The following ABLIM2 variants were observed in gnomAD, a reference collection of about 807,000 sequenced individuals.
The protein encoded by ABLIM2 is actin binding LIM protein family member 2.
In ABLIM2, 53 loss-of-function variants were observed where a neutral mutation model predicts 97.7. The observed-to-expected ratio is 0.54, with a 90% CI of 0.44 to 0.68. The LOEUF is 0.68. Among genes scored for constraint, ABLIM2 ranks in the 30% least tolerant of loss-of-function variants. The pLI, the probability that ABLIM2 is intolerant of heterozygous loss-of-function variation, is 0.00. For missense variants in ABLIM2, 835 were observed against 867.2 expected, an observed-to-expected ratio of 0.96 and a Z score of 0.47; for synonymous variants, 361 against 345.8, an observed-to-expected ratio of 1.04 and a Z score of -0.49.
At chr4:8,088,967 G>A (rs936943661) in intron 3 of ABLIM2, among the ~76,000 whole-genome samples, 7 of 152,290 alleles carry the variant, frequency 4.6e-5, no homozygotes, top group Middle Eastern at 6.8e-3. Flanking sequence ...AGCACACCTC[G>A]TAGACAGGAA....
At chr4:8,055,269 G>T (rs1054318077) in intron 7 of ABLIM2, among the ~76,000 whole-genome samples, 4 of 152,160 alleles carry the variant, frequency 2.6e-5, no homozygotes, top group Non-Finnish European at 5.9e-5. Flanking sequence ...TCAGGATCTG[G>T]GGCACTTGCT....
In ABLIM2 at chr4:8,082,418, C is replaced by T. The variant is rs181232613; in HGVS notation, c.455-1616G>A. Among the ~76,000 whole-genome samples the T allele has an allele frequency of 3.1e-3, 465 of 152,324 alleles. 2 individuals carry two copies. The highest frequency in any genetic ancestry group is 0.011 in the African/African-American group (452 of 41,576). On this transcript the variant is annotated intron_variant, in intron 4 of 20. Coordinates refer to ENST00000447017, the MANE Select transcript of ABLIM2 (RefSeq NM_001130083.2). This position sits in a 1 kb window ranked among gnomAD's most constrained non-coding sequence, Gnocchi z 5.6. ...ACCTGGCCCAAAGCCTTGCGCATCC[C>T]GGGTGAACAGTGAGCATCGGCGAGA...
intron 14 of ABLIM2, among the ~76,000 whole-genome samples, chr4:8,009,814 G>A (rs554686287): frequency 3.3e-5 from 5 of 152,238 alleles, no homozygotes; most frequent in African/African-American, 1.2e-4. Flanking sequence ...TGACTACCCC[G>A]CCCACCCCCG....
chr4:8,138,966 G>A (rs1260600129), intron 1 of ABLIM2, among the ~76,000 whole-genome samples: 2 of 152,246 alleles, frequency 1.3e-5, no homozygotes, highest in Admixed American at 6.5e-5. Context: ...GGAGGCCTAG[G>A]TGGGTGGATC....
At position 8,128,669 on chromosome 4, in the gene ABLIM2, G is replaced by C. The variant is rs1460629701; in HGVS notation, c.11-22032C>G. 6.6e-6 allele frequency among the ~76,000 whole-genome samples: 1 copy of C among 152,142 alleles called. No homozygotes were observed. The highest frequency in any genetic ancestry group is 1.5e-5 in the Non-Finnish European group (1 of 68,026). On this transcript the variant is annotated intron_variant, in intron 1 of 20. Transcript: ENST00000447017. This position sits in a 1 kb window ranked among gnomAD's most constrained non-coding sequence, Gnocchi z 4.9. ...TAGCCCAAGGCCACTGCCGTGGATT[G>C]AATGTGGTGTCCCCTCCCCAGACTC... is the stretch of plus-strand genomic sequence containing the variant.
intron 9 of ABLIM2, 37 bp downstream of exon 9, chr4:8,045,127 C>A: frequency 6.3e-7 from 1 of 1,592,978 alleles, no homozygotes; most frequent in Admixed American, 1.7e-5. Flanking sequence ...TCTCTCCACC[C>A]TCCCACCGCC....
chr4:7,966,624 C>T lies in ABLIM2; in HGVS notation c.*366G>A, dbSNP rs758945967. ...TCAACAAGCCTCACAGCTCACGTCC[C>T]GGCCACCTCTGTCCCCCACGTGCCC... On this transcript the variant is annotated 3_prime_UTR_variant, in exon 21 of 21. Coordinates refer to ENST00000447017, the MANE Select transcript of ABLIM2 (RefSeq NM_001130083.2). 9.3e-5 allele frequency: 21 copies of T among 224,882 alleles called. No homozygotes were observed. Among genetic ancestry groups the T allele is most frequent in the East Asian group, 3.1e-4 (3 of 9,560 alleles). The allele number at this position is 224,882 out of a possible 1,614,324, so 13.9% of individuals were successfully genotyped here. A position where few individuals can be genotyped will look rare whatever the true frequency, so the allele number is the denominator to read the frequency against.
rs182350392 is a variant in ABLIM2 at position 8,058,481 on chromosome 4, G to A, written c.763+2486C>T. 1.4e-3 allele frequency among the ~76,000 whole-genome samples: 216 copies of A among 152,336 alleles called. No individual in the cohort carries two copies. Among genetic ancestry groups the A allele is most frequent in the Admixed American group, 2.4e-3 (37 of 15,304 alleles). ...GACAGCAGCTCTCCCAGACCTGGCC[G>A]GGCCCAGCTGGCCTCTGGGAGCACT... On this transcript the variant is annotated intron_variant, in intron 7 of 20. Transcript: ENST00000447017. The surrounding 1 kb of genome is among the most constrained non-coding windows in gnomAD (Gnocchi z 4.2).
At chr4:8,143,687 C>T (rs753509014) in intron 1 of ABLIM2, among the ~76,000 whole-genome samples, 4 of 152,176 alleles carry the variant, frequency 2.6e-5, no homozygotes, top group African/African-American at 7.2e-5. Flanking sequence ...GGAGTGTCAT[C>T]GCTTACTGCA....
Position 8,006,282 on chromosome 4 carries a change from C to T in ABLIM2, c.1618+1777G>A, listed in dbSNP as rs1761251039. Among the ~76,000 whole-genome samples, 4 of 152,346 alleles carry T rather than the reference C, an allele frequency of 2.6e-5. No homozygotes were observed. In the South Asian group the frequency reaches 8.3e-4, roughly 32 times the overall value. ...CCGGCTTCTCCCACACAGCACCCCC[C>T]TCTCTTAGTCCTGAGCCACAGGCAG... is the stretch of plus-strand genomic sequence containing the variant. On this transcript the variant is annotated intron_variant, in intron 16 of 20. Transcript: ENST00000447017.
At chr4:8,093,619 G>GT (rs757130935) in intron 3 of ABLIM2, among the ~76,000 whole-genome samples, 2 of 152,300 alleles carry the variant, frequency 1.3e-5, no homozygotes, top group Admixed American at 6.5e-5. Context: ...ATTTTTGGAA[G>GT]TTTTTTGTGC....
intron 6 of ABLIM2, among the ~76,000 whole-genome samples, chr4:8,074,002 G>T (rs1182447109): frequency 1.3e-5 from 2 of 149,288 alleles, no homozygotes; most frequent in African/African-American, 5.0e-5. Context: ...CAGGAGAATG[G>T]CTTGAACCCA....
At chr4:8,025,970 G>A (rs1777064111) in intron 12 of ABLIM2, among the ~76,000 whole-genome samples, 1 of 152,220 alleles carries the variant, frequency 6.6e-6, no homozygotes, top group African/African-American at 2.4e-5. Context: ...TGCTGGCCAT[G>A]CTTCTGTTCT....
intron 6 of ABLIM2, among the ~76,000 whole-genome samples, chr4:8,074,765 G>C (rs1056924296): frequency 2.0e-5 from 3 of 146,552 alleles, no homozygotes; most frequent in African/African-American, 7.5e-5. Context: ...TAAATGATCA[G>C]CCTGGTAATT....
chr4:7,988,189 A>G (rs1415168671), intron 17 of ABLIM2, among the ~76,000 whole-genome samples: 1 of 152,016 alleles, frequency 6.6e-6, no homozygotes, highest in Non-Finnish European at 1.5e-5. Context: ...TGCCTGGCTA[A>G]TTTTTGTAAT....
In ABLIM2 at chr4:7,992,790, C is replaced by T. The variant is rs2043991423; in HGVS notation, c.1680+76G>A. On this transcript the variant is annotated intron_variant, in intron 17 of 20. Coordinates refer to ENST00000447017, the MANE Select transcript of ABLIM2 (RefSeq NM_001130083.2). The surrounding 1 kb of genome is among the most constrained non-coding windows in gnomAD (Gnocchi z 5.7). ...GGGGCCTCTCCTCCTGCTGTGTGGT[C>T]AAGAAGCTGTGGGAAACGTGCTCAG... 1 of 1,519,134 alleles carries T rather than the reference C, an allele frequency of 6.6e-7. No homozygotes were observed. Among genetic ancestry groups the T allele is most frequent in the Non-Finnish European group, 9.0e-7 (1 of 1,109,778 alleles). 94.1% of individuals were successfully genotyped at this position (1,519,134 alleles called of 1,614,324 possible).
At position 8,020,200 on chromosome 4, in the gene ABLIM2, AC is replaced by A. The variant is rs1207109598; in HGVS notation, c.1369+1del. ...GCCCAGCCAGCGTGTCCCGGAGCCT[AC>A]CTGGGACGTGGAAGTGGCGAGGTGC... is the stretch of plus-strand genomic sequence containing the variant. On this transcript the variant is annotated splice_donor_variant, in intron 13 of 20. Transcript: ENST00000447017. LOFTEE classifies it high-confidence loss of function. 1 of 1,612,610 alleles carries A rather than the reference AC, an allele frequency of 6.2e-7. No individual in the cohort carries two copies. Among genetic ancestry groups the A allele is most frequent in the Non-Finnish European group, 8.5e-7 (1 of 1,179,210 alleles).
rs1167619987 is a variant in ABLIM2, at chr4:7,986,123, G to T, written c.1681-1230C>A. On this transcript the variant is annotated intron_variant, in intron 17 of 20. Transcript: ENST00000447017. This position sits in a 1 kb window ranked among gnomAD's most constrained non-coding sequence, Gnocchi z 4.3. ...GGTCTCAAACGGGGTCAGGGCTCTC[G>T]GCCAGTGCTGCTGAAACTGGGTACA... is the stretch of plus-strand genomic sequence containing the variant. Among the ~76,000 whole-genome samples the T allele has an allele frequency of 6.6e-6, 1 of 152,214 alleles. No homozygotes were observed. The highest frequency in any genetic ancestry group is 1.5e-5 in the Non-Finnish European group (1 of 68,034).
intron 1 of ABLIM2, among the ~76,000 whole-genome samples, chr4:8,143,887 TG>T (rs543788696): frequency 6.6e-6 from 1 of 152,122 alleles, no homozygotes; most frequent in Non-Finnish European, 1.5e-5. Context: ...TGCAGCAGGC[TG>T]GGGGGTCTTC....
Sources: allele counts gnomAD v4.1 joint callset (sites outside exome capture counted in the v4.1 genomes callset), GRCh38; gene constraint gnomAD v4.1.1; non-coding constraint Gnocchi (gnomAD v3.1); transcripts MANE v1.5; gene names NCBI Gene and HGNC (gene_info 2026-07-23, HGNC 2026-07-21).